DGKG: variants seen among roughly 807,000 people sequenced by gnomAD.
DGKG encodes the protein DAG kinase gamma.
In DGKG, 78 loss-of-function variants were observed where a neutral mutation model predicts 105.3. The observed-to-expected ratio is 0.74, with a 90% CI of 0.62 to 0.89. The LOEUF (loss-of-function observed/expected upper bound fraction) is 0.89, where lower values mean the gene tolerates loss of function less well. DGKG is among the 40% of genes least tolerant of loss of function. The pLI is 0.00. For synonymous variants in DGKG, 346 were observed against 367.1 expected, an observed-to-expected ratio of 0.94 and a Z score of 0.66; for missense variants, 958 against 1,020.1, an observed-to-expected ratio of 0.94 and a Z score of 0.83.
intron 1 of DGKG, among the ~76,000 whole-genome samples, chr3:186,360,915 A>T (rs1002859646): frequency 2.0e-5 from 3 of 152,212 alleles, no homozygotes; most frequent in Non-Finnish European, 4.4e-5. Context: ...CCCCACAGAG[A>T]GGTCATCGTA....
intron 3 of DGKG, among the ~76,000 whole-genome samples, chr3:186,301,611 A>T (rs1432792591): frequency 2.6e-5 from 4 of 152,218 alleles, no homozygotes; most frequent in African/African-American, 4.8e-5. Flanking sequence ...TGGGTGACAG[A>T]GCGAGACTCC....
Position 186,285,652 on chromosome 3 carries a change from C to A in DGKG, c.545-943G>T, listed in dbSNP as rs547102564. On this transcript the variant is annotated intron_variant, in intron 6 of 24. Coordinates refer to ENST00000265022, the MANE Select transcript of DGKG (RefSeq NM_001346.3). The stretch of plus-strand genomic sequence containing the variant: ...CAGGAAGCAGAGATAAGCATTTCTT[C>A]ATTTTCCTGCTATTCTTTCTTTCTT... 2.0e-5 allele frequency among the ~76,000 whole-genome samples: 3 copies of A among 150,592 alleles called. No homozygotes were observed. In the South Asian group the frequency reaches 6.4e-4, roughly 32 times the overall value.
intron 21 of DGKG, among the ~76,000 whole-genome samples, chr3:186,197,493 G>C: frequency 6.6e-6 from 1 of 152,132 alleles, no homozygotes; most frequent in Non-Finnish European, 1.5e-5. Context: ...GCACCAATAA[G>C]CCACCCTGTG....
At chr3:186,251,343 G>A (rs990707682) in intron 19 of DGKG, among the ~76,000 whole-genome samples, 1 of 152,064 alleles carries the variant, frequency 6.6e-6, no homozygotes, top group Non-Finnish European at 1.5e-5. Context: ...AGCCAGCCAG[G>A]GCAACTTGGG....
At position 186,231,298 on chromosome 3, in the gene DGKG, C is replaced by T. The variant is rs2108540481; in HGVS notation, c.1826+11206G>A. Reference sequence around the variant, plus strand: ...TGGTCATGGGGCACAAAACTGGGCACATGGAGAGGCAGGGAATTGTAGCAG... The same window carrying T: ...TGGTCATGGGGCACAAAACTGGGCATATGGAGAGGCAGGGAATTGTAGCAG... On this transcript the variant is annotated intron_variant, in intron 20 of 24. Coordinates refer to ENST00000265022, the MANE Select transcript of DGKG (RefSeq NM_001346.3). This position sits in a 1 kb window ranked among gnomAD's most constrained non-coding sequence, Gnocchi z 4.5. 6.6e-6 allele frequency among the ~76,000 whole-genome samples: 1 copy of T among 152,162 alleles called. No homozygotes were observed. Among genetic ancestry groups the T allele is most frequent in the African/African-American group, 2.4e-5 (1 of 41,524 alleles).
rs141011129 is a variant in DGKG at position 186,280,738 on chromosome 3, C to A, written c.601G>T (p.Asp201Tyr). ...TGCAGCATTTGGTTGACAATGCAAT[C>A]CATCTCCTAGAAAATAGCAAAGGGA... ...ENGLLDQAEM[D>Y]CIVNQMLHIA... is the part of the protein sequence containing the mutation. The change falls in exon 8 of 25, where the codon GAT becomes TAT. Residue 201 changes from aspartate to tyrosine, a missense_variant. By Grantham distance (160) the Asp-to-Tyr change is radical. Around this residue, in one of 2 missense-constraint regions of DGKG, gnomAD observed 643 missense variants for 619.5 expected, o/e 1.04. Coordinates refer to ENST00000265022, the MANE Select transcript of DGKG (RefSeq NM_001346.3). 1 of 1,613,702 alleles carries A rather than the reference C, an allele frequency of 6.2e-7. No homozygotes were observed. The highest frequency in any genetic ancestry group is 1.7e-5 in the Admixed American group (1 of 60,016).
chr3:186,148,386 T>C lies in DGKG; in HGVS notation c.*1704A>G. On this transcript the variant is annotated 3_prime_UTR_variant, in exon 25 of 25. Coordinates refer to ENST00000265022, the MANE Select transcript of DGKG (RefSeq NM_001346.3). ...ATGTGGAGAGTTCAGTCTGATGATC[T>C]GTTTAGTACCTTCGATCTCAGACCA... The C allele has an allele frequency of 1.0e-6, 1 of 985,424 alleles. No individual in the cohort carries two copies. The highest frequency in any genetic ancestry group is 1.2e-6 in the Non-Finnish European group (1 of 829,920). 61.0% of individuals were successfully genotyped at this position (985,424 alleles called of 1,614,324 possible). A position where few individuals can be genotyped will look rare whatever the true frequency, so the allele number is the denominator to read the frequency against.
intron 9 of DGKG, among the ~76,000 whole-genome samples, chr3:186,278,859 AGT>A (rs1360847901): frequency 6.6e-6 from 1 of 152,196 alleles, no homozygotes; most frequent in Admixed American, 6.5e-5. Flanking sequence ...ATCTCAAAGT[AGT>A]GTTGTCACAC....
chr3:186,307,305 T>C (rs73180364), intron 2 of DGKG, among the ~76,000 whole-genome samples: 18,023 of 152,284 alleles, frequency 0.12, 1,125 homozygotes, highest in Middle Eastern at 0.19. Context: ...TACCAGCCCT[T>C]GGTGATTTTA....
intron 24 of DGKG, chr3:186,161,215 A>T: frequency 2.0e-6 from 2 of 994,802 alleles, no homozygotes; most frequent in South Asian, 4.5e-5. Flanking sequence ...CCACGTAAGG[A>T]AGCAATTTGA....
chr3:186,292,847 C>A (rs1723374048), intron 5 of DGKG, among the ~76,000 whole-genome samples: 1 of 151,674 alleles, frequency 6.6e-6, no homozygotes, highest in South Asian at 2.1e-4. Context: ...ATTATCTATA[C>A]AATACAGTCT....
At chr3:186,164,854 C>G (rs4686741) in intron 23 of DGKG, 44 bp downstream of exon 23, 1,189,467 of 1,581,852 alleles carry the variant, frequency 0.75, 449,477 homozygotes, top group East Asian at 0.94. Context: ...AATGTGTACG[C>G]AGGCGGGGAG....
In DGKG at chr3:186,314,834, G is replaced by C. The variant is rs188095972; in HGVS notation, c.67+5559C>G. Among the ~76,000 whole-genome samples the C allele has an allele frequency of 3.7e-3, 555 of 151,204 alleles. 2 individuals carry two copies. The highest frequency in any genetic ancestry group is 0.028 in the Middle Eastern group (8 of 288). ...AGGAAATGTTTGGTTTAATTTCTTA[G>C]AGAATTAAAAGTTTAATGGATGCTT... On this transcript the variant is annotated intron_variant, in intron 2 of 24. Coordinates refer to ENST00000265022, the MANE Select transcript of DGKG (RefSeq NM_001346.3).
chr3:186,299,208 G>A (rs1268373270), intron 3 of DGKG, among the ~76,000 whole-genome samples: 1 of 152,218 alleles, frequency 6.6e-6, no homozygotes, highest in African/African-American at 2.4e-5. Context: ...GATCTGCTGT[G>A]CAGGCTTTTG....
Position 186,248,428 on chromosome 3 carries a change from G to A in DGKG, c.1761+3331C>T, listed in dbSNP as rs142266083. ...TTCCCTCTCCATTTATTTCAGTTCC[G>A]GCTTCCATGCCAGCGAAGAGCCACT... is the stretch of plus-strand genomic sequence containing the variant. On this transcript the variant is annotated intron_variant, in intron 19 of 24. Transcript: ENST00000265022. Among the ~76,000 whole-genome samples, 951 of 152,300 alleles carry A rather than the reference G, an allele frequency of 6.2e-3. 8 individuals carry two copies. Among genetic ancestry groups the A allele is most frequent in the African/African-American group, 0.022 (904 of 41,558 alleles).
chr3:186,175,058 G>C (rs572404783), intron 22 of DGKG, among the ~76,000 whole-genome samples: 2 of 152,324 alleles, frequency 1.3e-5, no homozygotes, highest in South Asian at 4.1e-4. Flanking sequence ...GGCAGGACTG[G>C]AATTGTGGTG....
At chr3:186,187,064 G>A (rs1717673508) in intron 22 of DGKG, among the ~76,000 whole-genome samples, 1 of 152,236 alleles carries the variant, frequency 6.6e-6, no homozygotes, top group Non-Finnish European at 1.5e-5. Flanking sequence ...GGAGGTCTGG[G>A]AGGTAATGAG....
intron 20 of DGKG, among the ~76,000 whole-genome samples, chr3:186,241,362 G>A (rs1329143951): frequency 6.6e-6 from 1 of 152,066 alleles, no homozygotes; most frequent in Admixed American, 6.6e-5. Context: ...AGACCAGCCT[G>A]GTGAACATAG....
At chr3:186,227,075 G>A (rs1719893126) in intron 20 of DGKG, among the ~76,000 whole-genome samples, 1 of 152,156 alleles carries the variant, frequency 6.6e-6, no homozygotes, top group African/African-American at 2.4e-5. Context: ...CTTTGGAGGA[G>A]CGTTTATAGA....
Sources: allele counts gnomAD v4.1 joint callset (sites outside exome capture counted in the v4.1 genomes callset), GRCh38; gene constraint gnomAD v4.1.1; regional missense constraint gnomAD v4.1.1; non-coding constraint Gnocchi (gnomAD v3.1); transcripts MANE v1.5; gene names NCBI Gene and HGNC (gene_info 2026-07-23, HGNC 2026-07-21).